KSR1: variants seen among roughly 807,000 people sequenced by gnomAD.
The protein encoded by KSR1 is kinase suppressor of ras 1, also known as kinase suppressor of ras.
Under a neutral mutation model 92.9 loss-of-function variants are expected in KSR1, and 35 were observed. That is an observed-to-expected ratio of 0.38 (90% CI 0.29 to 0.50). KSR1 has a LOEUF of 0.50. Among genes scored for constraint, KSR1 ranks in the 20% least tolerant of loss-of-function variants. The pLI is 0.94. For synonymous variants in KSR1, 467 were observed against 472.6 expected, an observed-to-expected ratio of 0.99 and a Z score of 0.15; for missense variants, 972 against 1,158.5, an observed-to-expected ratio of 0.84 and a Z score of 2.34.
At chr17:27,611,263 C>T (rs969725036) in intron 17 of KSR1, 13 of 529,502 alleles carry the variant, frequency 2.5e-5, no homozygotes, top group Non-Finnish European at 3.4e-5. Flanking sequence ...ACCAAGGCTC[C>T]GGTCAAACCT....
intron 1 of KSR1, among the ~76,000 whole-genome samples, chr17:27,538,762 G>A (rs1210880040): frequency 6.6e-6 from 1 of 152,184 alleles, no homozygotes; most frequent in African/African-American, 2.4e-5. Flanking sequence ...CACAGGGTGT[G>A]GCGGTTCGGG....
intron 1 of KSR1, chr17:27,526,946 C>T: frequency 3.4e-6 from 2 of 593,164 alleles, no homozygotes; most frequent in Admixed American, 3.0e-5. Context: ...TCCCTTTCAC[C>T]TTCTCTCTCC....
At chr17:27,524,323 G>A (rs377675406) in intron 1 of KSR1, among the ~76,000 whole-genome samples, 1 of 152,150 alleles carries the variant, frequency 6.6e-6, no homozygotes, top group Non-Finnish European at 1.5e-5. Context: ...AGCAGTTTTG[G>A]TGGAGTAGAG....
intron 1 of KSR1, among the ~76,000 whole-genome samples, chr17:27,493,422 C>T (rs566667224): frequency 6.6e-6 from 1 of 152,266 alleles, no homozygotes; most frequent in South Asian, 2.1e-4. Flanking sequence ...AATTCTTTAA[C>T]AGGGCAGATT....
At position 27,609,312 on chromosome 17, in the gene KSR1, C is replaced by T. The variant is rs750220604; in HGVS notation, c.2208C>T (p.Gly736=). The T allele has an allele frequency of 2.7e-5, 44 of 1,613,790 alleles. No individual in the cohort carries two copies. The highest frequency in any genetic ancestry group is 2.0e-4 in the South Asian group (18 of 91,070). Residue 736 remains glycine (G), a synonymous_variant, in exon 16 of 21, where the codon GGC becomes GGT. Transcript: ENST00000644974. ...ACTTCGGGCTGTTTGGGATCTCAGG[C>T]GTGGTCCGAGAGGGACGGTGAGTTG... is the stretch of plus-strand genomic sequence containing the variant. ...ITDFGLFGIS[G]VVREGRRENQ... is the part of the protein sequence containing the mutation.
chr17:27,463,003 T>G (rs151287675), intron 1 of KSR1, among the ~76,000 whole-genome samples: 16 of 152,358 alleles, frequency 1.1e-4, no homozygotes, highest in South Asian at 1.0e-3. Flanking sequence ...TCAGGCTGTT[T>G]CCAAGTCTTG....
intron 1 of KSR1, among the ~76,000 whole-genome samples, chr17:27,509,815 G>A (rs1419647608): frequency 6.6e-6 from 1 of 152,162 alleles, no homozygotes; most frequent in Non-Finnish European, 1.5e-5. Context: ...ACTCCAGCCT[G>A]GGCAACAGAA....
intron 2 of KSR1, among the ~76,000 whole-genome samples, chr17:27,556,399 T>C (rs2151102922): frequency 6.6e-6 from 1 of 152,058 alleles, no homozygotes; most frequent in South Asian, 2.1e-4. Context: ...ATTTTAATTT[T>C]TTTGTAGACA....
rs745361757 is a variant in KSR1, at chr17:27,582,787, G to A, written c.662G>A (p.Ser221Asn). 9.3e-6 allele frequency: 15 copies of A among 1,613,564 alleles called. No individual in the cohort carries two copies. Among genetic ancestry groups the A allele is most frequent in the Middle Eastern group, 1.7e-4 (1 of 6,060 alleles). ...TCCCAGCTGGGCAGAGCAGGCAACA[G>A]CGCCCAGGGCCCACGCTCCATCTCC... is the stretch of plus-strand genomic sequence containing the variant. ...GSSQLGRAGN[S>N]AQGPRSISVS... The change falls in exon 4 of 21, where the codon AGC becomes AAC. Residue 221 changes from serine to asparagine, a missense_variant. Coordinates refer to ENST00000644974, the MANE Select transcript of KSR1 (RefSeq NM_001394583.1).
intron 1 of KSR1, chr17:27,526,993 T>C (rs1371444158): frequency 1.3e-5 from 7 of 544,258 alleles, no homozygotes; most frequent in East Asian, 1.0e-4. Flanking sequence ...CAAGCCTTGA[T>C]GTTCTCCCAG....
At chr17:27,610,247 G>A (rs1056415420) in intron 17 of KSR1, 49 bp downstream of exon 17, 1 of 1,610,822 alleles carries the variant, frequency 6.2e-7, no homozygotes, top group African/African-American at 1.3e-5. Flanking sequence ...AAAACAGAGG[G>A]CCCTGGTGGC....
At chr17:27,503,153 T>C (rs2069251493) in intron 1 of KSR1, among the ~76,000 whole-genome samples, 1 of 152,218 alleles carries the variant, frequency 6.6e-6, no homozygotes, top group South Asian at 2.1e-4. Context: ...GTCATTATTT[T>C]CTTTGCTCTT....
rs374144115 is a variant in KSR1 at position 27,471,349 on chromosome 17, G to A, written c.231+14475G>A. 5.3e-5 allele frequency among the ~76,000 whole-genome samples: 8 copies of A among 152,330 alleles called. No individual in the cohort carries two copies. In the South Asian group the frequency reaches 1.7e-3, roughly 32 times the overall value. ...AAAACTGGAAGTGGGTTAGAGAGAG[G>A]TGGGGGTATGGAAGAGGTGACTTCT... On this transcript the variant is annotated intron_variant, in intron 1 of 20. Coordinates refer to ENST00000644974, the MANE Select transcript of KSR1 (RefSeq NM_001394583.1).
chr17:27,591,679 C>G (rs2073172036), intron 7 of KSR1, among the ~76,000 whole-genome samples: 1 of 152,232 alleles, frequency 6.6e-6, no homozygotes, highest in African/African-American at 2.4e-5. Context: ...TGAGTTTTCT[C>G]TCTAGTCTGG....
intron 1 of KSR1, among the ~76,000 whole-genome samples, chr17:27,481,617 G>C (rs968179013): frequency 1.3e-5 from 2 of 152,164 alleles, no homozygotes; most frequent in Non-Finnish European, 2.9e-5. Context: ...CCAGCATGAT[G>C]AGTGGGGCCA....
intron 18 of KSR1, among the ~76,000 whole-genome samples, chr17:27,613,886 C>T (rs2073988080): frequency 6.6e-6 from 1 of 152,222 alleles, no homozygotes; most frequent in Non-Finnish European, 1.5e-5. Context: ...TCACTGCAAC[C>T]TCTGCTTCCC....
chr17:27,597,756 C>G (rs1370562360), intron 10 of KSR1, among the ~76,000 whole-genome samples: 1 of 152,148 alleles, frequency 6.6e-6, no homozygotes, highest in African/African-American at 2.4e-5. Flanking sequence ...GTGGCCTCTC[C>G]TGGGCAGTGC....
At chr17:27,604,571 G>A in intron 12 of KSR1, 109 bp from the exon 13 acceptor site, 1 of 1,113,896 alleles carries the variant, frequency 9.0e-7, no homozygotes, top group Non-Finnish European at 1.4e-6. Context: ...CTAGCCAGGT[G>A]TGAGTCAGAG....
chr17:27,564,744 C>T (rs1305116508), intron 2 of KSR1, among the ~76,000 whole-genome samples: 2 of 142,108 alleles, frequency 1.4e-5, no homozygotes, highest in Admixed American at 7.0e-5. Flanking sequence ...AGACCCCCCC[C>T]CCCCACCTCC....
Sources: gnomAD v4.1 joint callset for allele counts (sites outside exome capture counted in the v4.1 genomes callset) on GRCh38, gnomAD v4.1.1 for gene constraint, MANE v1.5 for transcripts, NCBI Gene and HGNC (gene_info 2026-07-23, HGNC 2026-07-21) for gene names.